The following LEMD1 variants were observed in gnomAD, a reference collection of about 807,000 sequenced individuals.
The protein encoded by LEMD1 is LEM domain-containing protein 1.
Under a neutral mutation model 17.4 loss-of-function variants are expected in LEMD1, and 18 were observed. The ratio of observed to expected loss-of-function variants is 1.04; its 90% CI spans 0.72 to 1.54. The LOEUF (loss-of-function observed/expected upper bound fraction) is 1.54, where lower values mean the gene tolerates loss of function less well. LEMD1 is among the 40% of genes most tolerant of loss of function. The pLI, the probability that LEMD1 is intolerant of heterozygous loss-of-function variation, is 0.00. For missense variants in LEMD1, 195 were observed against 210.4 expected (o/e 0.93, Z 0.45); for synonymous variants, 88 against 77.8 (o/e 1.13, Z -0.69).
chr1:205,397,507 T>C (rs1664647353), intron 4 of LEMD1, among the ~76,000 whole-genome samples: 1 of 152,180 alleles, frequency 6.6e-6, no homozygotes. Context: ...TGCTCAGAAG[T>C]CTGAGCCCAG....
At chr1:205,392,191 G>A (rs1442904799) in intron 4 of LEMD1, among the ~76,000 whole-genome samples, 2 of 152,074 alleles carry the variant, frequency 1.3e-5, no homozygotes, top group Admixed American at 6.6e-5. Flanking sequence ...TGATACAAAT[G>A]TTGGAATTAT....
intron 4 of LEMD1, among the ~76,000 whole-genome samples, chr1:205,410,027 C>T (rs1243530243): frequency 2.0e-5 from 3 of 152,112 alleles, no homozygotes; most frequent in South Asian, 2.1e-4. Flanking sequence ...CTACCCACCT[C>T]GGCCTCCCAA....
chr1:205,399,424 C>T (rs1322733797), intron 4 of LEMD1, among the ~76,000 whole-genome samples: 1 of 152,068 alleles, frequency 6.6e-6, no homozygotes, highest in South Asian at 2.1e-4. Flanking sequence ...TGTGTGTATA[C>T]GTATACAGAT....
Position 205,448,191 on chromosome 1 carries a change from C to T in LEMD1, c.-39+1677G>A, listed in dbSNP as rs1229660094. The T allele has an allele frequency of 2.3e-6, 1 of 439,952 alleles. No homozygotes were observed. Among genetic ancestry groups the T allele is most frequent in the Non-Finnish European group, 4.7e-6 (1 of 214,624 alleles). The allele number at this position is 439,952 out of a possible 1,614,324, so 27.3% of individuals were successfully genotyped here. On this transcript the variant is annotated intron_variant, in intron 1 of 3. Coordinates refer to the LEMD1 transcript ENST00000367154. This position sits in a 1 kb window ranked among gnomAD's most constrained non-coding sequence, Gnocchi z 4.7. ...AAGGTCACACGGCTTAGCCCCGATC[C>T]CAGGTTACCAGATCCCGTGATGCCC...
intron 4 of LEMD1, among the ~76,000 whole-genome samples, chr1:205,398,878 G>T (rs377543100): frequency 6.6e-6 from 1 of 152,158 alleles, no homozygotes; most frequent in Admixed American, 6.5e-5. Flanking sequence ...ATACAGAGAA[G>T]AAAGTGGTTA....
At chr1:205,392,036 G>A (rs534263916) in intron 4 of LEMD1, among the ~76,000 whole-genome samples, 19 of 151,172 alleles carry the variant, frequency 1.3e-4, no homozygotes, top group South Asian at 8.4e-4. Flanking sequence ...GCTTGAACCC[G>A]GGAGGCGGAG....
chr1:205,441,811 A>T lies in LEMD1; in HGVS notation c.-39+8057T>A, dbSNP rs988997373. Among the ~76,000 whole-genome samples, 1 of 152,194 alleles carries T rather than the reference A, an allele frequency of 6.6e-6. No individual in the cohort carries two copies. The highest frequency in any genetic ancestry group is 1.5e-5 in the Non-Finnish European group (1 of 68,044). ...AAAGACATGGTTTCTTCCCTGGCAC[A>T]TAAGTCTGAGGTAGAGGCTGAGGCT... On this transcript the variant is annotated intron_variant, in intron 1 of 3. Coordinates refer to the LEMD1 transcript ENST00000367154. The surrounding 1 kb of genome is among the most constrained non-coding windows in gnomAD (Gnocchi z 4.3).
In LEMD1 at chr1:205,448,062, G is replaced by A. The variant is rs546583268; in HGVS notation, c.-39+1806C>T. Among the ~76,000 whole-genome samples the A allele has an allele frequency of 6.6e-6, 1 of 152,310 alleles. No homozygotes were observed. The highest frequency in any genetic ancestry group is 1.9e-4 in the East Asian group (1 of 5,172). On this transcript the variant is annotated intron_variant, in intron 1 of 3. Transcript: ENST00000367154. The surrounding 1 kb of genome is among the most constrained non-coding windows in gnomAD (Gnocchi z 4.7). ...CGACTCAGAAAGCTCAGCACACCCT[G>A]AAGGTCTCCTTCCTTCCTCAGAGGG...
chr1:205,435,302 C>T (rs1575005442), intron 1 of LEMD1: 1 of 152,196 alleles, frequency 6.6e-6, no homozygotes, highest in East Asian at 1.9e-4. Context: ...TTGCCACTGC[C>T]ATGGAGGTGG....
intron 1 of LEMD1, among the ~76,000 whole-genome samples, chr1:205,446,919 G>C (rs1475934185): frequency 1.3e-5 from 2 of 152,068 alleles, no homozygotes; most frequent in Non-Finnish European, 2.9e-5. Flanking sequence ...TTCTCCTATT[G>C]TTCTGATCCC....
At chr1:205,404,790 C>T (rs1435426149) in intron 4 of LEMD1, among the ~76,000 whole-genome samples, 1 of 151,720 alleles carries the variant, frequency 6.6e-6, no homozygotes. Context: ...CAGTTTCTTC[C>T]TAGTCTCGAT....
At chr1:205,389,571 C>T (rs78048895) in intron 4 of LEMD1, among the ~76,000 whole-genome samples, 1,568 of 152,286 alleles carry the variant, frequency 0.01, 26 homozygotes, top group African/African-American at 0.036. Context: ...CCCAAGACTC[C>T]TTACCGCTGG....
chr1:205,406,314 G>T (rs1665100172), intron 4 of LEMD1, among the ~76,000 whole-genome samples: 1 of 152,256 alleles, frequency 6.6e-6, no homozygotes, highest in Non-Finnish European at 1.5e-5. Context: ...CAGAGGTGGA[G>T]CCTACAGAGG....
intron 1 of LEMD1, among the ~76,000 whole-genome samples, chr1:205,429,750 G>C (rs1296639361): frequency 6.6e-6 from 1 of 151,956 alleles, no homozygotes; most frequent in Non-Finnish European, 1.5e-5. Context: ...CCTTACCCGA[G>C]AAGGGCATTT....
In LEMD1 at chr1:205,448,491, C is replaced by T. The variant is rs569003355; in HGVS notation, c.-39+1377G>A. 25 of 468,400 alleles carry T rather than the reference C, an allele frequency of 5.3e-5. No individual in the cohort carries two copies. The highest frequency in any genetic ancestry group is 3.4e-4 in the South Asian group (22 of 65,182). 29.0% of individuals were successfully genotyped at this position (468,400 alleles called of 1,614,324 possible). A position where few individuals can be genotyped will look rare whatever the true frequency, so the allele number is the denominator to read the frequency against. On this transcript the variant is annotated intron_variant, in intron 1 of 3. Coordinates refer to the LEMD1 transcript ENST00000367154. The surrounding 1 kb of genome is among the most constrained non-coding windows in gnomAD (Gnocchi z 4.7). ...CCTTCTCAGCACCCCCGACCCCAGA[C>T]CCACCCACACTGCCTCCCTCCAGGA...
intron 4 of LEMD1, among the ~76,000 whole-genome samples, chr1:205,396,360 A>G (rs2102371091): frequency 6.6e-6 from 1 of 152,276 alleles, no homozygotes; most frequent in African/African-American, 2.4e-5. Context: ...TGGTGCAACC[A>G]TGTTGTAGAG....
At chr1:205,400,035 C>CTGCCCCACAA (rs1244591296) in intron 4 of LEMD1, among the ~76,000 whole-genome samples, 5 of 152,256 alleles carry the variant, frequency 3.3e-5, no homozygotes, top group African/African-American at 1.2e-4. Flanking sequence ...GAATGCTGTT[C>CTGCCCCACAA]AATTACAAAG....
At position 205,448,285 on chromosome 1, in the gene LEMD1, G is replaced by A; in HGVS notation, c.-39+1583C>T. 1.9e-6 allele frequency: 1 copy of A among 520,706 alleles called. No individual in the cohort carries two copies. The highest frequency in any genetic ancestry group is 1.4e-5 in the South Asian group (1 of 71,162). 32.3% of individuals were successfully genotyped at this position (520,706 alleles called of 1,614,324 possible). ...CTCCGAACCTGGTCCCATGGGAGGT[G>A]CAGCTGCGCAGGAGAAGGAGCTCGC... On this transcript the variant is annotated intron_variant, in intron 1 of 3. Coordinates refer to the LEMD1 transcript ENST00000367154. The surrounding 1 kb of genome is among the most constrained non-coding windows in gnomAD (Gnocchi z 4.7).
At chr1:205,432,141 G>A (rs988714881) in intron 1 of LEMD1, among the ~76,000 whole-genome samples, 3 of 152,192 alleles carry the variant, frequency 2.0e-5, no homozygotes, top group African/African-American at 7.2e-5. Context: ...TTGGAAGAAG[G>A]GTAGGGAAAA....
Sources: allele counts gnomAD v4.1 joint callset (sites outside exome capture counted in the v4.1 genomes callset), GRCh38; gene constraint gnomAD v4.1.1; non-coding constraint Gnocchi (gnomAD v3.1); transcripts MANE v1.5; gene names NCBI Gene and HGNC (gene_info 2026-07-23, HGNC 2026-07-21).